Variants in BAIAP2L2 observed in about 807,000 individuals in gnomAD.
The protein encoded by BAIAP2L2 is BAR/IMD domain-containing adapter protein 2-like 2.
In BAIAP2L2, 65 loss-of-function variants were observed where a neutral mutation model predicts 60.4. The observed-to-expected ratio is 1.08, with a 90% CI of 0.88 to 1.32. The LOEUF (loss-of-function observed/expected upper bound fraction) is 1.32, where lower values mean the gene tolerates loss of function less well. BAIAP2L2 is among the 40% of genes most tolerant of loss of function. BAIAP2L2 has a pLI of 0.00. For synonymous variants in BAIAP2L2, 344 were observed against 301.7 expected (o/e 1.14, Z -1.45); for missense variants, 836 against 741.2 (o/e 1.13, Z -1.48).
At chr22:38,085,643 C>T in intron 13 of BAIAP2L2, 43 bp downstream of exon 13, 1 of 1,600,648 alleles carries the variant, frequency 6.2e-7, no homozygotes, top group Non-Finnish European at 8.6e-7. Context: ...GCCGCCGCAC[C>T]TGCCACCCTC....
chr22:38,088,935 A>G lies in BAIAP2L2; in HGVS notation c.931T>C (p.Ser311Pro), dbSNP rs1406536261. Residue 311 changes from serine (S) to proline (P), a missense_variant, in exon 10 of 14, where the codon TCG becomes CCG. Transcript: ENST00000381669. ...SSLYSGSAQS[S>P]RSNSFGERPG... ...CGCTCGCCAAAGGAGTTGGAGCGCG[A>G]GCTTTGGGCGCTGCCGCTGTAGAGC... 1 of 1,538,236 alleles carries G rather than the reference A, an allele frequency of 6.5e-7. No individual in the cohort carries two copies. Among genetic ancestry groups the G allele is most frequent in the Non-Finnish European group, 8.7e-7 (1 of 1,148,500 alleles).
chr22:38,106,740 C>T (rs1343985616), intron 4 of BAIAP2L2, among the ~76,000 whole-genome samples: 1 of 152,212 alleles, frequency 6.6e-6, no homozygotes, highest in East Asian at 1.9e-4. Flanking sequence ...AGCCCTGGCT[C>T]ATGCCTGCCT....
chr22:38,097,022 T>C lies in BAIAP2L2; in HGVS notation c.612+10A>G. 6.2e-7 allele frequency: 1 copy of C among 1,607,296 alleles called. No homozygotes were observed. Among genetic ancestry groups the C allele is most frequent in the South Asian group, 1.1e-5 (1 of 90,150 alleles). ...AAGCGCCCCGCTTGCTGCCCCCCAGTCCAACTCACCCGGCCGAAGAACTGC... is the reference window on the plus strand; with the variant it reads ...AAGCGCCCCGCTTGCTGCCCCCCAGCCCAACTCACCCGGCCGAAGAACTGC... On this transcript the variant is annotated intron_variant, in intron 7 of 13. Coordinates refer to ENST00000381669, the MANE Select transcript of BAIAP2L2 (RefSeq NM_025045.6).
rs1056555261 is a variant in BAIAP2L2 at position 38,100,960 on chromosome 22, G to C, written c.277-2478C>G. ...AGTCAGAAAGCCTTTGCCCCTAGGG[G>C]GCGACACTGACAAAAGGGACATAAG... is the stretch of plus-strand genomic sequence containing the variant. On this transcript the variant is annotated intron_variant, in intron 4 of 13. Transcript: ENST00000381669. Among the ~76,000 whole-genome samples, 3 of 152,150 alleles carry C rather than the reference G, an allele frequency of 2.0e-5. No individual in the cohort carries two copies. The South Asian group carries it at 6.2e-4, about 31-fold the overall frequency.
chr22:38,106,100 C>T (rs191338972), intron 4 of BAIAP2L2, among the ~76,000 whole-genome samples: 8 of 152,298 alleles, frequency 5.3e-5, no homozygotes, highest in Admixed American at 1.3e-4. Context: ...TCCATAACTC[C>T]GTGCCCACAT....
At chr22:38,094,871 A>AC (rs1468937873) in intron 7 of BAIAP2L2, among the ~76,000 whole-genome samples, 1 of 151,748 alleles carries the variant, frequency 6.6e-6, no homozygotes, top group African/African-American at 2.4e-5. Flanking sequence ...CCAAGCCAGG[A>AC]CCGGGCGTGG....
At position 38,089,564 on chromosome 22, in the gene BAIAP2L2, C is replaced by T. The variant is rs1373487232; in HGVS notation, c.723G>A (p.Pro241=). 1.1e-5 allele frequency: 13 copies of T among 1,229,696 alleles called. No homozygotes were observed. The East Asian group carries it at 3.2e-4, about 30-fold the overall frequency. 76.2% of individuals were successfully genotyped at this position (1,229,696 alleles called of 1,614,324 possible). A position where few individuals can be genotyped will look rare whatever the true frequency, so the allele number is the denominator to read the frequency against. ...GCGTCAGGCGGCCCGAGGGGTAGGG[C>T]GGCCCCAGCGCGGGGCCCAGCAGGC... ...SPGLLGPALG[P]PYPSGRLTPT... is the part of the protein sequence containing the mutation. The change falls in exon 8 of 14, where the codon CCG becomes CCA. Residue 241 remains proline, a synonymous_variant. Coordinates refer to ENST00000381669, the MANE Select transcript of BAIAP2L2 (RefSeq NM_025045.6).
intron 4 of BAIAP2L2, among the ~76,000 whole-genome samples, chr22:38,101,546 C>CAA (rs71195082): frequency 0.049 from 1,493 of 30,726 alleles, 272 homozygotes; most frequent in African/African-American, 0.12. Flanking sequence ...GATCCTGTCT[C>CAA]AAAAAAAAAA....
intron 7 of BAIAP2L2, among the ~76,000 whole-genome samples, chr22:38,094,160 G>A (rs915105755): frequency 6.6e-6 from 1 of 152,032 alleles, no homozygotes; most frequent in South Asian, 2.1e-4. Flanking sequence ...GGGAGTGGGA[G>A]GATTGGGAAT....
chr22:38,106,361 A>C (rs2086664751), intron 4 of BAIAP2L2, among the ~76,000 whole-genome samples: 1 of 151,978 alleles, frequency 6.6e-6, no homozygotes, highest in Admixed American at 6.6e-5. Flanking sequence ...TCTGCAAAAA[A>C]ATAAAAAAAT....
Position 38,085,718 on chromosome 22 carries a change from TGAG to T in BAIAP2L2, c.1479_1481del (p.Ser494del). ...AGAGCTCCTGTGGTGGGTACTGCTC[TGAG>T]GACATCAGTTTCTGCAGTGGGGGTG... On this transcript the variant is annotated inframe_deletion, in exon 13 of 14. Transcript: ENST00000381669. 1 of 1,603,926 alleles carries T rather than the reference TGAG, an allele frequency of 6.2e-7. No individual in the cohort carries two copies. The highest frequency in any genetic ancestry group is 8.5e-7 in the Non-Finnish European group (1 of 1,176,716).
chr22:38,108,153 C>G, intron 3 of BAIAP2L2, 102 bp downstream of exon 3: 2 of 1,192,198 alleles, frequency 1.7e-6, no homozygotes, highest in Admixed American at 2.2e-5. Flanking sequence ...GCTCTGGGCC[C>G]TGGGCTGAAA....
intron 4 of BAIAP2L2, among the ~76,000 whole-genome samples, chr22:38,102,565 A>G (rs1335787935): frequency 1.3e-5 from 2 of 152,122 alleles, no homozygotes; most frequent in Non-Finnish European, 2.9e-5. Context: ...AGAGAATAAC[A>G]TTCCTACTGA....
chr22:38,110,540 G>C lies in BAIAP2L2; in HGVS notation c.-15C>G, dbSNP rs370101147. ...TCGGGGGCCATGGAGGGGCTGTCCC[G>C]GGTCTGAGCAGGAGGCTGGGAGCTG... On this transcript the variant is annotated 5_prime_UTR_variant, in exon 1 of 14. Transcript: ENST00000381669. The C allele has an allele frequency of 1.1e-5, 18 of 1,606,186 alleles. No homozygotes were observed. Among genetic ancestry groups the C allele is most frequent in the Non-Finnish European group, 1.4e-5 (17 of 1,175,914 alleles).
intron 6 of BAIAP2L2, 43 bp downstream of exon 6, chr22:38,098,020 C>CCCCCAT: frequency 1.2e-6 from 1 of 817,894 alleles, no homozygotes; most frequent in Non-Finnish European, 2.0e-6. Context: ...GAGGTCTGCC[C>CCCCCAT]ACCCGCCCTT....
chr22:38,109,517 C>A (rs1254378916), intron 1 of BAIAP2L2, among the ~76,000 whole-genome samples: 1 of 152,160 alleles, frequency 6.6e-6, no homozygotes, highest in East Asian at 1.9e-4. Flanking sequence ...GGTTCTCCTC[C>A]TCCCGCTGGG....
intron 7 of BAIAP2L2, among the ~76,000 whole-genome samples, chr22:38,094,603 A>G (rs2145983042): frequency 6.6e-6 from 1 of 152,332 alleles, no homozygotes; most frequent in Admixed American, 6.5e-5. Context: ...TAAATGGGTG[A>G]ATCGTATGTG....
chr22:38,096,193 C>T (rs74662062), intron 7 of BAIAP2L2, among the ~76,000 whole-genome samples: 3,016 of 152,160 alleles, frequency 0.02, 98 homozygotes, highest in African/African-American at 0.069. Flanking sequence ...ACATTAAGTA[C>T]ATAAATGGCA....
In BAIAP2L2 at chr22:38,109,118, C is replaced by T. The variant is rs760273506; in HGVS notation, c.127+15G>A. 2.2e-5 allele frequency: 35 copies of T among 1,605,592 alleles called. No individual in the cohort carries two copies. The highest frequency in any genetic ancestry group is 2.1e-4 in the South Asian group (19 of 90,876). On this transcript the variant is annotated intron_variant, in intron 2 of 13. Transcript: ENST00000381669. ...GGCCCAGGGCTGGGGCTCGGTGGCCCGGGCAGGCACTCACCGTGGAAGGCA... is the reference window on the plus strand; with the variant it reads ...GGCCCAGGGCTGGGGCTCGGTGGCCTGGGCAGGCACTCACCGTGGAAGGCA...
Sources: allele counts gnomAD v4.1 joint callset (sites outside exome capture counted in the v4.1 genomes callset), GRCh38; gene constraint gnomAD v4.1.1; transcripts MANE v1.5; gene names NCBI Gene and HGNC (gene_info 2026-07-23, HGNC 2026-07-21).